Variants in MDH2 observed in about 807,000 individuals in gnomAD.
MDH2 encodes the protein malate dehydrogenase 2, also known as malate dehydrogenase, mitochondrial.
Under a neutral mutation model 33.6 loss-of-function variants are expected in MDH2, and 25 were observed. The ratio of observed to expected loss-of-function variants is 0.74; its 90% CI spans 0.54 to 1.04. MDH2 has a LOEUF of 1.04. Ranked by LOEUF, MDH2 falls within the 50% of genes least tolerant of loss-of-function variation. The pLI, the probability that MDH2 is intolerant of heterozygous loss-of-function variation, is 0.00. For synonymous variants in MDH2, 193 were observed against 188.7 expected (o/e 1.02, Z -0.19); for missense variants, 432 against 445.0 (o/e 0.97, Z 0.26).
At chr7:76,066,140 C>A in intron 8 of MDH2, 139 bp from the exon 9 acceptor site, 1 of 1,041,606 alleles carries the variant, frequency 9.6e-7, no homozygotes, top group Non-Finnish European at 1.4e-6. Context: ...ACCTGCTCAG[C>A]AAGGCGTCCC....
chr7:76,057,844 G>A, intron 3 of MDH2, 125 bp from the exon 4 acceptor site: 2 of 811,518 alleles, frequency 2.5e-6, no homozygotes, highest in Middle Eastern at 2.3e-4. Context: ...CCCTGCAAGA[G>A]GGACTGACTT....
At chr7:76,063,352 G>A (rs1554587273) in intron 5 of MDH2, among the ~76,000 whole-genome samples, 163 bp from the exon 6 acceptor site, 2 of 152,250 alleles carry the variant, frequency 1.3e-5, no homozygotes, top group African/African-American at 4.8e-5. Flanking sequence ...ACCGTGGCAG[G>A]AGATCCAAGC....
intron 1 of MDH2, 47 bp downstream of exon 1, chr7:76,048,273 G>T (rs1554584538): frequency 1.3e-6 from 2 of 1,517,288 alleles, no homozygotes; most frequent in Non-Finnish European, 1.8e-6. Context: ...CCCCGGCCCG[G>T]GCCACGTGCG....
chr7:76,049,179 C>G, intron 1 of MDH2: 8 of 883,962 alleles, frequency 9.1e-6, no homozygotes, highest in Non-Finnish European at 1.1e-5. Flanking sequence ...TACAAATGCT[C>G]CTGGATTGAT....
Position 76,063,494 on chromosome 7 carries a change from G to T in MDH2, c.556-21G>T, listed in dbSNP as rs1465296. 7,337 of 1,613,290 alleles carry T rather than the reference G, an allele frequency of 4.5e-3. 270 individuals carry two copies. In the African/African-American group the frequency reaches 0.082, roughly 18 times the overall value. On this transcript the variant is annotated intron_variant, in intron 5 of 8. Transcript: ENST00000315758. ...GTGAAAGAGCTTGTTAACTCATCCA[G>T]CTTCATACTTTGGTCACCAGGGTTT...
chr7:76,049,540 A>G (rs1797534430), intron 1 of MDH2, among the ~76,000 whole-genome samples: 1 of 152,078 alleles, frequency 6.6e-6, no homozygotes, highest in African/African-American at 2.4e-5. Flanking sequence ...GTCTTAGGGA[A>G]TGAGTAAACA....
chr7:76,063,582 T>A lies in MDH2; in HGVS notation c.623T>A (p.Leu208Gln). 6.2e-7 allele frequency: 1 copy of A among 1,614,218 alleles called. No homozygotes were observed. Among genetic ancestry groups the A allele is most frequent in the South Asian group, 1.1e-5 (1 of 91,092 alleles). ...CATGCTGGGAAGACCATCATCCCCC[T>A]GATCTCTCAGGTACACGCATATGAC... is the stretch of plus-strand genomic sequence containing the variant. ...GGHAGKTIIP[L>Q]ISQCTPKVDF... Residue 208 changes from leucine to glutamine, a missense_variant, in exon 6 of 9, where the codon CTG becomes CAG. By Grantham distance (113) the Leu-to-Gln change is moderately radical. Transcript: ENST00000315758.
chr7:76,058,970 T>C (rs1229977685), intron 4 of MDH2, among the ~76,000 whole-genome samples: 2 of 152,182 alleles, frequency 1.3e-5, no homozygotes, highest in African/African-American at 2.4e-5. Flanking sequence ...GTTTGTTTGT[T>C]TTTGGCTCTG....
chr7:76,052,673 T>C (rs1325319016), intron 1 of MDH2, among the ~76,000 whole-genome samples: 3 of 151,242 alleles, frequency 2.0e-5, no homozygotes, highest in African/African-American at 7.3e-5. Context: ...GCCTTCTGAG[T>C]AGCTAGGATT....
At chr7:76,051,568 A>T (rs1797627582) in intron 1 of MDH2, among the ~76,000 whole-genome samples, 1 of 151,860 alleles carries the variant, frequency 6.6e-6, no homozygotes, top group Non-Finnish European at 1.5e-5. Flanking sequence ...TGATGCGCCC[A>T]TCTCAGCCTC....
intron 1 of MDH2, among the ~76,000 whole-genome samples, chr7:76,050,878 A>G (rs1797603131): frequency 6.6e-6 from 1 of 152,086 alleles, no homozygotes; most frequent in South Asian, 2.1e-4. Context: ...AGAAGATATC[A>G]GGAGTTCAGT....
chr7:76,051,911 G>A (rs1216229301), intron 1 of MDH2, among the ~76,000 whole-genome samples: 6 of 152,056 alleles, frequency 3.9e-5, no homozygotes, highest in African/African-American at 7.2e-5. Flanking sequence ...TCTAACCTCC[G>A]GGCCACCAAA....
Position 76,066,289 on chromosome 7 carries a change from T to C in MDH2, c.896T>C (p.Ile299Thr). Reference protein sequence around the residue: ...STPLLLGKKGIEKNLGIGKVS... With the variant: ...STPLLLGKKGTEKNLGIGKVS... ...TCCCATCTCCCTCAGAAAAAGGGCA[T>C]CGAGAAGAACCTGGGCATCGGCAAA... The change falls in exon 9 of 9, where the codon ATC becomes ACC. Residue 299 changes from isoleucine to threonine, a missense_variant. Coordinates refer to ENST00000315758, the MANE Select transcript of MDH2 (RefSeq NM_005918.4). 3 of 1,608,038 alleles carry C rather than the reference T, an allele frequency of 1.9e-6. No homozygotes were observed. The highest frequency in any genetic ancestry group is 2.2e-5 in the East Asian group (1 of 44,694).
chr7:76,056,313 A>G (rs1797781016), intron 2 of MDH2, among the ~76,000 whole-genome samples: 1 of 152,222 alleles, frequency 6.6e-6, no homozygotes, highest in South Asian at 2.1e-4. Context: ...AGTAGGTATG[A>G]ATATTTCAAA....
intron 6 of MDH2, 71 bp from the exon 7 acceptor site, chr7:76,064,268 G>C (rs565310957): frequency 1.8e-6 from 2 of 1,122,662 alleles, no homozygotes; most frequent in Admixed American, 2.3e-5. Flanking sequence ...CGGGAATAGT[G>C]GGGGTGGGAG....
At chr7:76,066,174 T>A in intron 8 of MDH2, 105 bp from the exon 9 acceptor site, 2 of 1,422,330 alleles carry the variant, frequency 1.4e-6, no homozygotes, top group Non-Finnish European at 1.9e-6. Context: ...AGAACCCGCA[T>A]GTGTAGAGAG....
Position 76,054,913 on chromosome 7 carries a change from G to A in MDH2, c.150G>A (p.Val50=), listed in dbSNP as rs1563546853. ...LSLLLKNSPL[V]SRLTLYDIAH... ...TTCTCCTGAAGAACAGCCCCTTGGT[G>A]AGCCGCCTGACCCTCTATGATATCG... The change falls in exon 2 of 9, where the codon GTG becomes GTA. Residue 50 remains valine (V), a synonymous_variant. Coordinates refer to ENST00000315758, the MANE Select transcript of MDH2 (RefSeq NM_005918.4). The A allele has an allele frequency of 1.2e-6, 2 of 1,614,130 alleles. No homozygotes were observed. The highest frequency in any genetic ancestry group is 1.7e-6 in the Non-Finnish European group (2 of 1,180,022).
At chr7:76,058,262 A>G in intron 4 of MDH2, 184 bp downstream of exon 4, 1 of 591,258 alleles carries the variant, frequency 1.7e-6, no homozygotes, top group East Asian at 2.8e-5. Flanking sequence ...TGCACTTCCT[A>G]AGGACTCCTT....
chr7:76,049,192 C>G, intron 1 of MDH2: 1 of 821,492 alleles, frequency 1.2e-6, no homozygotes, highest in Non-Finnish European at 1.5e-6. Flanking sequence ...GGATTGATGG[C>G]TACTTCCCAT....
Sources: gnomAD v4.1 joint callset for allele counts (sites outside exome capture counted in the v4.1 genomes callset) on GRCh38, gnomAD v4.1.1 for gene constraint, MANE v1.5 for transcripts, NCBI Gene and HGNC (gene_info 2026-07-23, HGNC 2026-07-21) for gene names.